RETREG3: variants seen among roughly 807,000 people sequenced by gnomAD.
RETREG3 encodes the protein reticulophagy regulator 3.
RETREG3 carries 23 observed loss-of-function variants against 50.2 expected under a neutral mutation model. The observed-to-expected ratio is 0.46, with a 90% confidence interval of 0.33 to 0.65. RETREG3 has a LOEUF of 0.65. RETREG3 is among the 30% of genes least tolerant of loss of function. RETREG3 has a pLI of 0.02. For synonymous variants in RETREG3, 240 were observed against 234.4 expected, an observed-to-expected ratio of 1.02 and a Z score of -0.22; for missense variants, 546 against 598.0, an observed-to-expected ratio of 0.91 and a Z score of 0.91.
In RETREG3 at chr17:42,582,164, G is replaced by A. The variant is rs761665090; in HGVS notation, c.1050C>T (p.Ser350=). The A allele has an allele frequency of 6.2e-7, 1 of 1,614,076 alleles. No homozygotes were observed. Among genetic ancestry groups the A allele is most frequent in the South Asian group, 1.1e-5 (1 of 91,084 alleles). ...PAGLDDEDDT[S]IGMPSLMYRS... is the part of the protein sequence containing the mutation. ...GGTACATCAAGCTGGGCATGCCAAT[G>A]CTAGTGTCGTCCTCATCATCCAGGC... Residue 350 remains serine, a synonymous_variant, in exon 9 of 9, where the codon AGC becomes AGT. Coordinates refer to ENST00000309428, the MANE Select transcript of RETREG3 (RefSeq NM_178126.4).
intron 1 of RETREG3, among the ~76,000 whole-genome samples, chr17:42,603,932 G>A (rs1456742642): frequency 1.3e-5 from 2 of 151,440 alleles, no homozygotes; most frequent in Admixed American, 6.6e-5. Context: ...AGCCGAGATC[G>A]CGCCACTGTA....
intron 4 of RETREG3, chr17:42,586,424 GTTTT>G: frequency 2.4e-6 from 1 of 420,876 alleles, no homozygotes; most frequent in Non-Finnish European, 4.3e-6. Flanking sequence ...GTTGGTGGTG[GTTTT>G]TTAAGTCAAC....
At position 42,586,810 on chromosome 17, in the gene RETREG3, A is replaced by G. The variant is rs898124913; in HGVS notation, c.459T>C (p.Ile153=). 1.2e-6 allele frequency: 2 copies of G among 1,614,116 alleles called. No homozygotes were observed. ...TGAAAAGCAAAACATTCCTTATGAA[A>G]ATGGTCCCACTAACCCAGACTTCAG... The part of the protein sequence containing the change: ...HVAEVWVSGT[I]FIRNVLLFKK... The change falls in exon 4 of 9, where the codon ATT becomes ATC. Residue 153 remains isoleucine (I), a synonymous_variant. Transcript: ENST00000309428.
chr17:42,603,893 C>T (rs1353968469), intron 1 of RETREG3, among the ~76,000 whole-genome samples: 2 of 151,756 alleles, frequency 1.3e-5, no homozygotes, highest in African/African-American at 2.4e-5. Flanking sequence ...AGGAGACTGG[C>T]GTGAACCCGG....
At chr17:42,602,027 G>C (rs765787198) in intron 1 of RETREG3, among the ~76,000 whole-genome samples, 1 of 152,044 alleles carries the variant, frequency 6.6e-6, no homozygotes, top group Non-Finnish European at 1.5e-5. Context: ...TAAACAAATA[G>C]CTTTATTGGT....
chr17:42,606,432 C>T (rs554397131), intron 1 of RETREG3, among the ~76,000 whole-genome samples: 26 of 151,128 alleles, frequency 1.7e-4, no homozygotes, highest in Non-Finnish European at 3.2e-4. Context: ...CCCGTCTCTA[C>T]TAAAAAAAAA....
chr17:42,607,499 C>CAAAAA (rs34542887), intron 1 of RETREG3, among the ~76,000 whole-genome samples: 5 of 46,932 alleles, frequency 1.1e-4, no homozygotes, highest in Non-Finnish European at 1.4e-4. Flanking sequence ...GACCTTGTCT[C>CAAAAA]AAAAAAAAAA....
chr17:42,606,587 C>G (rs148069372), intron 1 of RETREG3, among the ~76,000 whole-genome samples: 5 of 143,962 alleles, frequency 3.5e-5, no homozygotes, highest in African/African-American at 1.3e-4. Flanking sequence ...GGCGACAGAG[C>G]GAGACTCCAT....
At chr17:42,608,877 G>A in intron 1 of RETREG3, 1 of 575,398 alleles carries the variant, frequency 1.7e-6, no homozygotes, top group Non-Finnish European at 3.1e-6. Flanking sequence ...GCGGGCACAG[G>A]TAAGGCAGAG....
chr17:42,583,401 G>T, intron 7 of RETREG3, 97 bp downstream of exon 7: 1 of 1,069,438 alleles, frequency 9.4e-7, no homozygotes, highest in Non-Finnish European at 1.4e-6. Flanking sequence ...GGAGTCTAAG[G>T]CCTCAAACCT....
Position 42,594,818 on chromosome 17 carries a change from T to G in RETREG3, c.240-2656A>C, listed in dbSNP as rs534929265. On this transcript the variant is annotated intron_variant, in intron 1 of 8. Coordinates refer to ENST00000309428, the MANE Select transcript of RETREG3 (RefSeq NM_178126.4). ...GTGAGCTGAGATTGCGCTACTGCAC[T>G]CCAGGCTGGGCGACAGAGTGGAACT... is the stretch of plus-strand genomic sequence containing the variant. Among the ~76,000 whole-genome samples the G allele has an allele frequency of 3.9e-5, 6 of 152,040 alleles. No individual in the cohort carries two copies. In the South Asian group the frequency reaches 1.2e-3, roughly 32 times the overall value.
rs1035111613 is a variant in RETREG3, at chr17:42,596,711, G to A, written c.240-4549C>T. 1.1e-4 allele frequency: 16 copies of A among 151,998 alleles called. 1 individual carries two copies. Among genetic ancestry groups the A allele is most frequent in the African/African-American group, 1.7e-4 (7 of 41,374 alleles). The allele number at this position is 151,998 out of a possible 1,614,324, so 9.4% of individuals were successfully genotyped here. A position where few individuals can be genotyped will look rare whatever the true frequency, so the allele number is the denominator to read the frequency against. ...ATACTCCCTTTTATTTAGGAATTTT[G>A]TGTTGAGGGCTGGAAGGAAAGGAGA... On this transcript the variant is annotated intron_variant, in intron 1 of 8. Coordinates refer to ENST00000309428, the MANE Select transcript of RETREG3 (RefSeq NM_178126.4).
At position 42,609,202 on chromosome 17, in the gene RETREG3, G is replaced by A. The variant is rs2093174736; in HGVS notation, c.123C>T (p.Ala41=). ...RDQQVEAAQR[A]LVEVLGPYEP... Reference sequence around the variant, plus strand: ...CGTAAGGCCCCAGCACCTCCACCAGGGCCCGCTGCGCCGCCTCAACCTGCT... The same window carrying A: ...CGTAAGGCCCCAGCACCTCCACCAGAGCCCGCTGCGCCGCCTCAACCTGCT... Residue 41 remains alanine, a synonymous_variant, in exon 1 of 9, where the codon GCC becomes GCT. Transcript: ENST00000309428. 6.2e-7 allele frequency: 1 copy of A among 1,608,852 alleles called. No individual in the cohort carries two copies. Among genetic ancestry groups the A allele is most frequent in the Middle Eastern group, 1.7e-4 (1 of 6,052 alleles).
chr17:42,595,576 T>C (rs2093142472), intron 1 of RETREG3, among the ~76,000 whole-genome samples: 1 of 151,612 alleles, frequency 6.6e-6, no homozygotes, highest in Non-Finnish European at 1.5e-5. Flanking sequence ...TTTTTAAAAA[T>C]AACATTTTAA....
In RETREG3 at chr17:42,582,711, A is replaced by G. The variant is rs540836868; in HGVS notation, c.906T>C (p.Leu302=). Residue 302 remains leucine, a synonymous_variant, in exon 8 of 9, where the codon CTT becomes CTC. Transcript: ENST00000309428. ...CCGTTAGAGGTGTTTGGCCCCTTGA[A>G]AGATTGAATGTGCCATTGTCTGTAC... ...VSCTDNGTFN[L]SRGQTPLTEG... 3.5e-4 allele frequency: 561 copies of G among 1,614,204 alleles called. No homozygotes were observed. The South Asian group carries it at 6.0e-3, about 17-fold the overall frequency.
chr17:42,584,050 C>T (rs762502189), intron 6 of RETREG3, among the ~76,000 whole-genome samples: 5 of 152,110 alleles, frequency 3.3e-5, no homozygotes, highest in Non-Finnish European at 5.9e-5. Flanking sequence ...TAAGGTGATC[C>T]GCCCACCTCA....
chr17:42,598,876 T>A (rs1397730250), intron 1 of RETREG3: 1 of 152,210 alleles, frequency 6.6e-6, no homozygotes, highest in Non-Finnish European at 1.5e-5. Flanking sequence ...AGGTAAGGGC[T>A]GTAACAAGCA....
chr17:42,582,631 A>T, intron 8 of RETREG3, 43 bp downstream of exon 8: 2 of 1,611,214 alleles, frequency 1.2e-6, no homozygotes, highest in South Asian at 2.2e-5. Flanking sequence ...CTAAGAGGCA[A>T]CAGTCAGAGC....
At chr17:42,604,118 T>C (rs2093163361) in intron 1 of RETREG3, among the ~76,000 whole-genome samples, 1 of 152,188 alleles carries the variant, frequency 6.6e-6, no homozygotes, top group Non-Finnish European at 1.5e-5. Context: ...TCAGAATTGC[T>C]GTATATCCTT....
Sources: allele counts gnomAD v4.1 joint callset (sites outside exome capture counted in the v4.1 genomes callset), GRCh38; gene constraint gnomAD v4.1.1; transcripts MANE v1.5; gene names NCBI Gene and HGNC (gene_info 2026-07-23, HGNC 2026-07-21).